The following NNMT variants were observed in gnomAD, a reference collection of about 807,000 sequenced individuals.
NNMT encodes the protein nicotinamide N-methyltransferase.
A neutral mutation model predicts 11.7 loss-of-function variants in NNMT; 10 were observed. The ratio of observed to expected loss-of-function variants is 0.85; its 90% CI spans 0.53 to 1.45. The LOEUF is 1.45. Ranked by LOEUF, NNMT falls within the 40% of genes most tolerant of loss-of-function variation. The pLI, the probability that NNMT is intolerant of heterozygous loss-of-function variation, is 0.00. For synonymous variants in NNMT, 143 were observed against 133.8 expected, an observed-to-expected ratio of 1.07 and a Z score of -0.48; for missense variants, 381 against 319.4, an observed-to-expected ratio of 1.19 and a Z score of -1.47.
intron 2 of NNMT, chr11:114,270,666 C>G (rs1945162398): frequency 6.6e-6 from 1 of 152,318 alleles, no homozygotes; most frequent in South Asian, 2.1e-4. Flanking sequence ...GCCACCTTCT[C>G]ACTGTGTCCT....
intron 2 of NNMT, among the ~76,000 whole-genome samples, chr11:114,280,596 G>A (rs557043616): frequency 7.0e-4 from 106 of 152,114 alleles, no homozygotes; most frequent in Non-Finnish European, 1.3e-3. Context: ...GACCTTCAGG[G>A]GAAGGTACAG....
At chr11:114,306,134 G>C (rs914820224) in intron 2 of NNMT, among the ~76,000 whole-genome samples, 1 of 152,190 alleles carries the variant, frequency 6.6e-6, no homozygotes, top group African/African-American at 2.4e-5. Context: ...TCTGTTGGCT[G>C]CATAAATGTC....
At chr11:114,272,282 C>G (rs1945175494) in intron 2 of NNMT, among the ~76,000 whole-genome samples, 1 of 151,554 alleles carries the variant, frequency 6.6e-6, no homozygotes, top group Non-Finnish European at 1.5e-5. Context: ...ATGGATTCCT[C>G]TATTTACTGT....
At chr11:114,304,666 C>T (rs762295141) in intron 2 of NNMT, among the ~76,000 whole-genome samples, 3 of 152,122 alleles carry the variant, frequency 2.0e-5, no homozygotes, top group Non-Finnish European at 4.4e-5. Flanking sequence ...TCTTCTACCT[C>T]TGCATTTAAA....
chr11:114,259,325 G>A (rs908576525), intron 1 of NNMT, among the ~76,000 whole-genome samples: 3 of 145,094 alleles, frequency 2.1e-5, no homozygotes, highest in African/African-American at 8.0e-5. Flanking sequence ...CAGGACACGT[G>A]TACACACACG....
chr11:114,263,466 A>G (rs1233685971), intron 2 of NNMT, among the ~76,000 whole-genome samples: 3 of 152,286 alleles, frequency 2.0e-5, no homozygotes, highest in Admixed American at 1.3e-4. Flanking sequence ...TCCTACCAGG[A>G]GCTTGCGTCG....
At chr11:114,308,387 C>A (rs1377081436) in intron 2 of NNMT, among the ~76,000 whole-genome samples, 1 of 152,128 alleles carries the variant, frequency 6.6e-6, no homozygotes, top group Non-Finnish European at 1.5e-5. Flanking sequence ...GATTCTGATG[C>A]ACTGCCAGCC....
intron 2 of NNMT, among the ~76,000 whole-genome samples, chr11:114,306,699 T>G (rs572220482): frequency 6.6e-6 from 1 of 152,310 alleles, no homozygotes; most frequent in African/African-American, 2.4e-5. Context: ...TTCTGTTCCA[T>G]TGTTCTACAT....
At chr11:114,292,365 C>T (rs151041433), upstream of NNMT, among the ~76,000 whole-genome samples, 71 of 152,290 alleles carry the variant, frequency 4.7e-4, no homozygotes, top group South Asian at 0.014. Context: ...TGATGGTGTT[C>T]ACACTTTTGG....
chr11:114,300,653 TC>T (rs1357837061), intron 2 of NNMT, among the ~76,000 whole-genome samples: 1 of 152,214 alleles, frequency 6.6e-6, no homozygotes, highest in Non-Finnish European at 1.5e-5. Flanking sequence ...TATCCTTTGC[TC>T]CCTATAGTTC....
chr11:114,296,326 G>A (rs1481543095), upstream of NNMT: 4 of 486,118 alleles, frequency 8.2e-6, no homozygotes, highest in South Asian at 2.8e-5. Flanking sequence ...ACCCCCGTTC[G>A]CCTAAGCTCC....
At chr11:114,285,754 T>C (rs1437891549) in intron 2 of NNMT, among the ~76,000 whole-genome samples, 1 of 152,204 alleles carries the variant, frequency 6.6e-6, no homozygotes, top group African/African-American at 2.4e-5. Flanking sequence ...CAGTAGTTGC[T>C]TCTCTGCAAC....
chr11:114,299,862 C>G (rs1255755077), intron 2 of NNMT, among the ~76,000 whole-genome samples: 2 of 151,324 alleles, frequency 1.3e-5, no homozygotes, highest in Non-Finnish European at 2.9e-5. Context: ...GATCTCTCCT[C>G]TTTCATTCTT....
At chr11:114,294,154 G>T (rs560984486), upstream of NNMT, among the ~76,000 whole-genome samples, 4 of 152,170 alleles carry the variant, frequency 2.6e-5, no homozygotes, top group African/African-American at 9.6e-5. Flanking sequence ...TAGCGAGGTG[G>T]GTAGGGGGGA....
At chr11:114,266,994 G>A (rs1945125669) in intron 2 of NNMT, among the ~76,000 whole-genome samples, 2 of 152,244 alleles carry the variant, frequency 1.3e-5, no homozygotes, top group Non-Finnish European at 2.9e-5. Flanking sequence ...GCTGGGCACG[G>A]TGGCTCACAC....
intron 2 of NNMT, among the ~76,000 whole-genome samples, chr11:114,280,649 G>T (rs1374820570): frequency 6.6e-6 from 1 of 152,154 alleles, no homozygotes; most frequent in Non-Finnish European, 1.5e-5. Flanking sequence ...GACAAGGCAG[G>T]TCATCCTGCT....
At chr11:114,293,139 G>A (rs534741867), upstream of NNMT, among the ~76,000 whole-genome samples, 9 of 152,292 alleles carry the variant, frequency 5.9e-5, no homozygotes, top group Admixed American at 4.6e-4. Flanking sequence ...TCCATTACTA[G>A]GGCAGTCAGC....
At chr11:114,260,318 T>C (rs1167635255) in intron 1 of NNMT, among the ~76,000 whole-genome samples, 1 of 152,220 alleles carries the variant, frequency 6.6e-6, no homozygotes, top group Non-Finnish European at 1.5e-5. Context: ...CCATAACTTC[T>C]ACCCCTTGCC....
chr11:114,273,277 C>T lies in NNMT; in HGVS notation c.-130+10343C>T, dbSNP rs569186893. ...TCCAGCTTAGGCAGATGGCGAGAGG[C>T]GCTTCTTGCTGAACAAGAGGTTGGA... On this transcript the variant is annotated intron_variant, in intron 2 of 4. Transcript: ENST00000535401. Among the ~76,000 whole-genome samples, 117 of 152,284 alleles carry T rather than the reference C, an allele frequency of 7.7e-4. 1 individual carries two copies. The South Asian group carries it at 0.014, about 19-fold the overall frequency.
Sources: gnomAD v4.1 joint callset for allele counts (sites outside exome capture counted in the v4.1 genomes callset) on GRCh38, gnomAD v4.1.1 for gene constraint, MANE v1.5 for transcripts, NCBI Gene and HGNC (gene_info 2026-07-23, HGNC 2026-07-21) for gene names.